ZNF488: variants seen among roughly 807,000 people sequenced by gnomAD.
The protein encoded by ZNF488 is zinc finger protein 488.
In ZNF488, 1 loss-of-function variant was observed where a neutral mutation model predicts 1.2. The ratio of observed to expected loss-of-function variants is 0.86; its 90% CI spans 0.30 to 4.07. The LOEUF (loss-of-function observed/expected upper bound fraction) is 4.07, where lower values mean the gene tolerates loss of function less well. Ranked by LOEUF, ZNF488 falls within the 30% of genes most tolerant of loss-of-function variation. The probability of loss-of-function intolerance (pLI) is 0.18; values close to 1 mark genes in which losing one functional copy is unlikely to be tolerated. For synonymous variants in ZNF488, 185 were observed against 190.1 expected (o/e 0.97, Z 0.22); for missense variants, 450 against 437.9 (o/e 1.03, Z -0.25).
At chr10:47,381,721 C>T (rs797039473) in intron 1 of ZNF488, among the ~76,000 whole-genome samples, 1 of 95,622 alleles carries the variant, frequency 1.0e-5, no homozygotes, top group Non-Finnish European at 2.4e-5. Flanking sequence ...TTGGCCACGT[C>T]GACCCTCATA....
chr10:47,373,330 A>G (rs1201081839), intron 1 of ZNF488, among the ~76,000 whole-genome samples: 2 of 152,192 alleles, frequency 1.3e-5, no homozygotes, highest in African/African-American at 2.4e-5. Context: ...CTTCACTCTA[A>G]TGACTATTGC....
At chr10:47,377,665 TAACA>T (rs1396343324) in intron 1 of ZNF488, among the ~76,000 whole-genome samples, 4 of 69,576 alleles carry the variant, frequency 5.7e-5, no homozygotes, top group South Asian at 4.2e-4. Flanking sequence ...GAGCCAGCAA[TAACA>T]ATCACACACA....
intron 1 of ZNF488, among the ~76,000 whole-genome samples, chr10:47,383,106 G>T (rs373252239): frequency 6.6e-6 from 1 of 152,132 alleles, no homozygotes; most frequent in Admixed American, 6.5e-5. Flanking sequence ...AAAAGAATGA[G>T]ACTTGATTTT....
intron 1 of ZNF488, among the ~76,000 whole-genome samples, chr10:47,370,946 G>A (rs1221100997): frequency 1.3e-5 from 2 of 152,196 alleles, no homozygotes; most frequent in Non-Finnish European, 2.9e-5. Flanking sequence ...TGCAGCATGC[G>A]GGCCCTGTGC....
intron 1 of ZNF488, among the ~76,000 whole-genome samples, chr10:47,378,308 G>A (rs1555214678): frequency 6.6e-6 from 1 of 152,182 alleles, no homozygotes; most frequent in African/African-American, 2.4e-5. Context: ...TGGCACCCAT[G>A]GGGAGGTGGT....
chr10:47,373,915 G>A (rs1367576862), intron 1 of ZNF488, among the ~76,000 whole-genome samples: 2 of 152,218 alleles, frequency 1.3e-5, no homozygotes, highest in African/African-American at 4.8e-5. Context: ...CTGCTCTTAG[G>A]TGCTCCATCC....
Position 47,368,572 on chromosome 10 carries a change from G to C in ZNF488, c.258C>G (p.Gly86=), listed in dbSNP as rs782428603. ...LLVAPGKPRP[G]KPLPPKTRGE... ...CACGTGTCTTCGGGGGCAGCGGCTTGCCAGGTCGGGGCTTGCCTGGGGCTA... is the reference window on the plus strand; with the variant it reads ...CACGTGTCTTCGGGGGCAGCGGCTTCCCAGGTCGGGGCTTGCCTGGGGCTA... The change falls in exon 2 of 2, where the codon GGC becomes GGG. Residue 86 remains glycine, a synonymous_variant. Transcript: ENST00000585316. 2.5e-6 allele frequency: 4 copies of C among 1,610,716 alleles called. No homozygotes were observed. The highest frequency in any genetic ancestry group is 1.7e-5 in the Admixed American group (1 of 59,848).
At chr10:47,376,919 A>G (rs1438772309) in intron 1 of ZNF488, among the ~76,000 whole-genome samples, 1 of 152,226 alleles carries the variant, frequency 6.6e-6, no homozygotes, top group African/African-American at 2.4e-5. Flanking sequence ...CCCAGAAAGC[A>G]AAACAACTGG....
rs1278174530 is a variant in ZNF488 at position 47,371,525 on chromosome 10, T to A, written c.-108-2588A>T. Among the ~76,000 whole-genome samples the A allele has an allele frequency of 2.0e-5, 3 of 152,332 alleles. No homozygotes were observed. The East Asian group carries it at 5.8e-4, about 29-fold the overall frequency. On this transcript the variant is annotated intron_variant, in intron 1 of 1. Transcript: ENST00000585316. ...AATACACTATATATGTAATGTGCTA[T>A]ATACTATGATGATGCTAGTATCATG...
intron 1 of ZNF488, among the ~76,000 whole-genome samples, chr10:47,371,652 C>A (rs1284858710): frequency 1.3e-5 from 2 of 152,026 alleles, no homozygotes; most frequent in African/African-American, 4.8e-5. Context: ...TTAAAGGCGG[C>A]AGTGCCCTTT....
intron 1 of ZNF488, among the ~76,000 whole-genome samples, chr10:47,375,854 T>C (rs1457014541): frequency 6.6e-6 from 1 of 152,124 alleles, no homozygotes; most frequent in African/African-American, 2.4e-5. Context: ...GAGACCCTCC[T>C]GGAAGAGGCA....
rs1423296041 is a variant in ZNF488, at chr10:47,369,021, C to G, written c.-108-84G>C. On this transcript the variant is annotated intron_variant, in intron 1 of 1. Transcript: ENST00000585316. ...ATCATGAGCTGGCATCAGACAGGAC[C>G]CTGATGCTCAGGCCTCCTCCGCTGT... The G allele has an allele frequency of 4.7e-6, 3 of 633,180 alleles. No individual in the cohort carries two copies. In the East Asian group the frequency reaches 8.9e-5, roughly 19 times the overall value. 39.2% of individuals were successfully genotyped at this position (633,180 alleles called of 1,614,324 possible).
chr10:47,366,266 A>G lies in ZNF488; in HGVS notation c.*1541T>C, dbSNP rs1555212785. The G allele has an allele frequency of 6.0e-6, 1 of 167,210 alleles. No homozygotes were observed. The highest frequency in any genetic ancestry group is 2.4e-5 in the African/African-American group (1 of 41,430). The allele number at this position is 167,210 out of a possible 1,614,324, so 10.4% of individuals were successfully genotyped here. A position where few individuals can be genotyped will look rare whatever the true frequency, so the allele number is the denominator to read the frequency against. ...GCCACAGGGTTGGAGGCATCATCTG[A>G]GTTACACTTTCAGAAGATTATCTGG... On this transcript the variant is annotated 3_prime_UTR_variant, in exon 2 of 2. Coordinates refer to ENST00000585316, the MANE Select transcript of ZNF488 (RefSeq NM_153034.4).
intron 1 of ZNF488, among the ~76,000 whole-genome samples, chr10:47,376,342 A>G (rs962539119): frequency 1.4e-4 from 21 of 151,994 alleles, no homozygotes; most frequent in Admixed American, 4.6e-4. Flanking sequence ...AGGGCTGGGT[A>G]TATTTCAATC....
At chr10:47,383,988 G>A (rs1838084415) in intron 1 of ZNF488, among the ~76,000 whole-genome samples, 1 of 152,126 alleles carries the variant, frequency 6.6e-6, no homozygotes, top group African/African-American at 2.4e-5. Flanking sequence ...CAATAAAGAA[G>A]AGATAGAGGA....
In ZNF488 at chr10:47,377,906, C is replaced by T. The variant is rs147052236; in HGVS notation, c.-109+6314G>A. Among the ~76,000 whole-genome samples, 521 of 152,254 alleles carry T rather than the reference C, an allele frequency of 3.4e-3. 3 individuals are homozygous for T. Among genetic ancestry groups the T allele is most frequent in the African/African-American group, 0.011 (475 of 41,536 alleles). On this transcript the variant is annotated intron_variant, in intron 1 of 1. Coordinates refer to ENST00000585316, the MANE Select transcript of ZNF488 (RefSeq NM_153034.4). Reference sequence around the variant, plus strand: ...TGCCATACTCATTTTTTCTCCTGACCCTCAGGAGTGCCAGGCCACTTCAGG... The same window carrying T: ...TGCCATACTCATTTTTTCTCCTGACTCTCAGGAGTGCCAGGCCACTTCAGG...
At position 47,365,849 on chromosome 10, in the gene ZNF488, A is replaced by G. The variant is rs1369546381; in HGVS notation, c.*1958T>C. On this transcript the variant is annotated 3_prime_UTR_variant, in exon 2 of 2. Coordinates refer to ENST00000585316, the MANE Select transcript of ZNF488 (RefSeq NM_153034.4). ...ATGAAGCCCAGGCTTGAGAAACGGC[A>G]CCAGAGCTGTGGTCAGAACACGGGA... 1 of 167,192 alleles carries G rather than the reference A, an allele frequency of 6.0e-6. No homozygotes were observed. Among genetic ancestry groups the G allele is most frequent in the Non-Finnish European group, 1.5e-5 (1 of 68,186 alleles). The allele number at this position is 167,192 out of a possible 1,614,324, so 10.4% of individuals were successfully genotyped here. A position where few individuals can be genotyped will look rare whatever the true frequency, so the allele number is the denominator to read the frequency against.
At chr10:47,369,541 C>T (rs1384242300) in intron 1 of ZNF488, among the ~76,000 whole-genome samples, 1 of 152,202 alleles carries the variant, frequency 6.6e-6, no homozygotes, top group East Asian at 1.9e-4. Context: ...ACCCATTGCT[C>T]CTCGGTCTAC....
Position 47,365,783 on chromosome 10 carries a change from A to T in ZNF488, c.*2024T>A, listed in dbSNP as rs1403671688. ...GCGAGAAGAAGCCCTGTGGAACCAT[A>T]GCAGGAGCAGCACCATGAAGAGCTA... On this transcript the variant is annotated 3_prime_UTR_variant, in exon 2 of 2. Transcript: ENST00000585316. 1.8e-5 allele frequency: 3 copies of T among 167,184 alleles called. No individual in the cohort carries two copies. Among genetic ancestry groups the T allele is most frequent in the Non-Finnish European group, 4.4e-5 (3 of 68,170 alleles). The allele number at this position is 167,184 out of a possible 1,614,324, so 10.4% of individuals were successfully genotyped here.
Sources: gnomAD v4.1 joint callset for allele counts (sites outside exome capture counted in the v4.1 genomes callset) on GRCh38, gnomAD v4.1.1 for gene constraint, MANE v1.5 for transcripts, NCBI Gene and HGNC (gene_info 2026-07-23, HGNC 2026-07-21) for gene names.